Variants in NLGN1 observed in about 807,000 individuals in gnomAD.
NLGN1 encodes neuroligin 1.
NLGN1 carries 12 observed loss-of-function variants against 65.5 expected under a neutral mutation model. The ratio of observed to expected loss-of-function variants is 0.18; its 90% CI spans 0.12 to 0.30. NLGN1 has a LOEUF of 0.30. Among genes scored for constraint, NLGN1 ranks in the 10% least tolerant of loss-of-function variants. The pLI is 1.00. For synonymous variants in NLGN1, 350 were observed against 359.5 expected (o/e 0.97, Z 0.30); for missense variants, 750 against 1,007.1 (o/e 0.74, Z 3.46).
At chr3:173,546,058 C>T (rs1033085979) in intron 2 of NLGN1, among the ~76,000 whole-genome samples, 2 of 152,088 alleles carry the variant, frequency 1.3e-5, no homozygotes, top group African/African-American at 2.4e-5. Context: ...CAAACCTCCA[C>T]GTTCTGCTCA....
At chr3:174,013,673 CT>C (rs1467257887) in intron 4 of NLGN1, among the ~76,000 whole-genome samples, 1 of 152,126 alleles carries the variant, frequency 6.6e-6, no homozygotes, top group Non-Finnish European at 1.5e-5. Flanking sequence ...CGACTTTTCT[CT>C]TGTCATTTTG....
intron 4 of NLGN1, among the ~76,000 whole-genome samples, chr3:174,187,923 C>T (rs1383584749): frequency 1.3e-5 from 2 of 151,898 alleles, no homozygotes; most frequent in Non-Finnish European, 2.9e-5. Context: ...TTTGCCTCCA[C>T]GTTAAGCACA....
chr3:173,586,159 A>C (rs922753045), intron 2 of NLGN1, among the ~76,000 whole-genome samples: 1 of 152,182 alleles, frequency 6.6e-6, no homozygotes, highest in African/African-American at 2.4e-5. Context: ...AATTCGTTAA[A>C]TTTTAAACTT....
intron 3 of NLGN1, among the ~76,000 whole-genome samples, chr3:173,636,252 C>A (rs1039404431): frequency 5.9e-5 from 9 of 151,798 alleles, no homozygotes; most frequent in Non-Finnish European, 1.0e-4. Context: ...TCTCCATTTG[C>A]ACACTGGTTT....
At chr3:173,454,529 G>C (rs994253082) in intron 2 of NLGN1, among the ~76,000 whole-genome samples, 2 of 152,198 alleles carry the variant, frequency 1.3e-5, no homozygotes, top group African/African-American at 4.8e-5. Flanking sequence ...TAAGTTGGTG[G>C]CAGCTTCTAT....
At position 173,570,083 on chromosome 3, in the gene NLGN1, TA is replaced by T. The variant is rs1312745906; in HGVS notation, c.-320-34195del. ...AGTTTGAGTAGGCTTAACCCCAACC[TA>T]TCTTGGGAGTGGGGGCCAGAAGGGG... On this transcript the variant is annotated intron_variant, in intron 2 of 6. Transcript: ENST00000457714. 2.6e-5 allele frequency among the ~76,000 whole-genome samples: 4 copies of T among 152,232 alleles called. No individual in the cohort carries two copies. The East Asian group carries it at 7.7e-4, about 29-fold the overall frequency.
At chr3:174,190,939 C>T (rs1274184631) in intron 4 of NLGN1, among the ~76,000 whole-genome samples, 1 of 151,868 alleles carries the variant, frequency 6.6e-6, no homozygotes, top group African/African-American at 2.4e-5. Flanking sequence ...GACTGGGGGC[C>T]GAGATCTCTT....
chr3:173,891,116 TA>T (rs1735250170), intron 4 of NLGN1, among the ~76,000 whole-genome samples: 1 of 152,168 alleles, frequency 6.6e-6, no homozygotes, highest in African/African-American at 2.4e-5. Context: ...TAAAATAGGA[TA>T]ATACAAACCA....
At chr3:173,845,141 T>C (rs1178300367) in intron 4 of NLGN1, among the ~76,000 whole-genome samples, 1 of 152,204 alleles carries the variant, frequency 6.6e-6, no homozygotes, top group East Asian at 1.9e-4. Context: ...GTTACCACCA[T>C]TCCTGCTGAT....
intron 4 of NLGN1, among the ~76,000 whole-genome samples, chr3:173,871,712 TCCC>T (rs1731193969): frequency 6.6e-6 from 1 of 152,126 alleles, no homozygotes; most frequent in Admixed American, 6.5e-5. Context: ...CAAGAGTGAC[TCCC>T]AGCTGGCTGG....
At chr3:173,937,430 T>G (rs1388475) in intron 4 of NLGN1, among the ~76,000 whole-genome samples, 51,451 of 151,844 alleles carry the variant, frequency 0.34, 9,563 homozygotes, top group African/African-American at 0.49. Flanking sequence ...ATTGGGAGAT[T>G]AGATTTATCA....
intron 3 of NLGN1, among the ~76,000 whole-genome samples, chr3:173,652,542 A>G (rs549958623): frequency 1.3e-5 from 2 of 152,154 alleles, no homozygotes; most frequent in African/African-American, 2.4e-5. Context: ...GTTTTTGTCA[A>G]TCTGTTGGCT....
At chr3:173,551,393 C>T (rs578201731) in intron 2 of NLGN1, among the ~76,000 whole-genome samples, 1 of 152,232 alleles carries the variant, frequency 6.6e-6, no homozygotes, top group Admixed American at 6.5e-5. Context: ...CATTAAATTG[C>T]TTGTATACTC....
chr3:173,738,188 A>G (rs1774083587), intron 3 of NLGN1, among the ~76,000 whole-genome samples: 1 of 151,868 alleles, frequency 6.6e-6, no homozygotes, highest in Non-Finnish European at 1.5e-5. Flanking sequence ...ATTTTCTTTC[A>G]TTTTATGTGT....
chr3:173,540,104 C>G (rs1738584172), intron 2 of NLGN1, among the ~76,000 whole-genome samples: 1 of 151,922 alleles, frequency 6.6e-6, no homozygotes, highest in Non-Finnish European at 1.5e-5. Context: ...AGGCCCAGAG[C>G]TGTTTCTCAG....
intron 2 of NLGN1, among the ~76,000 whole-genome samples, chr3:173,465,237 G>C (rs1285588959): frequency 6.6e-6 from 1 of 152,164 alleles, no homozygotes; most frequent in African/African-American, 2.4e-5. Context: ...TCTGGCTTTT[G>C]TAGACAAGAG....
At chr3:173,976,741 A>G (rs527466343) in intron 4 of NLGN1, among the ~76,000 whole-genome samples, 6 of 152,168 alleles carry the variant, frequency 3.9e-5, no homozygotes, top group South Asian at 4.1e-4. Context: ...TAAGGAGTCT[A>G]TGACCTTTCA....
intron 2 of NLGN1, among the ~76,000 whole-genome samples, chr3:173,461,062 C>G (rs1723289887): frequency 6.6e-6 from 1 of 152,100 alleles, no homozygotes; most frequent in African/African-American, 2.4e-5. Flanking sequence ...ACTCTAGAAA[C>G]TATTGAGCAC....
intron 2 of NLGN1, among the ~76,000 whole-genome samples, chr3:173,490,958 T>C (rs1418874807): frequency 1.3e-5 from 2 of 152,046 alleles, no homozygotes; most frequent in Admixed American, 6.5e-5. Flanking sequence ...TCCTGAGACT[T>C]TGCTGAAGTT....
Sources: allele counts gnomAD v4.1 joint callset (sites outside exome capture counted in the v4.1 genomes callset), GRCh38; gene constraint gnomAD v4.1.1; transcripts MANE v1.5; gene names NCBI Gene and HGNC (gene_info 2026-07-23, HGNC 2026-07-21).